ANXA13: variants seen among roughly 807,000 people sequenced by gnomAD.
ANXA13 encodes the protein annexin A13.
Under a neutral mutation model 46.6 loss-of-function variants are expected in ANXA13, and 36 were observed. The ratio of observed to expected loss-of-function variants is 0.77; its 90% confidence interval spans 0.59 to 1.02. The LOEUF (loss-of-function observed/expected upper bound fraction) is 1.02, where lower values mean the gene tolerates loss of function less well. Among genes scored for constraint, ANXA13 ranks in the 50% least tolerant of loss-of-function variants. ANXA13 has a pLI of 0.00. For synonymous variants in ANXA13, 163 were observed against 152.9 expected, an observed-to-expected ratio of 1.07 and a Z score of -0.49; for missense variants, 417 against 396.5, an observed-to-expected ratio of 1.05 and a Z score of -0.44.
At chr8:123,693,947 C>T (rs1252378206) in intron 6 of ANXA13, among the ~76,000 whole-genome samples, 168 bp from the exon 7 acceptor site, 1 of 151,312 alleles carries the variant, frequency 6.6e-6, no homozygotes, top group Non-Finnish European at 1.5e-5. Flanking sequence ...CTTTTGGGCA[C>T]AATGGATAAA....
chr8:123,712,452 T>A, intron 2 of ANXA13: 1 of 567,146 alleles, frequency 1.8e-6, no homozygotes, highest in East Asian at 3.0e-5. Context: ...AAATTAAACG[T>A]CACAATATCC....
rs1454648479 is a variant in ANXA13, at chr8:123,714,079, A to G, written c.16-1326T>C. The stretch of plus-strand genomic sequence containing the variant: ...GCAGTTCAACTCTCCCTGCTTTCAT[A>G]TCCTTTGGCACCCAGTGGAAGTGAA... On this transcript the variant is annotated intron_variant, in intron 1 of 10. Transcript: ENST00000419625. Among the ~76,000 whole-genome samples the G allele has an allele frequency of 3.9e-5, 6 of 152,234 alleles. No homozygotes were observed. The South Asian group carries it at 1.2e-3, about 32-fold the overall frequency.
intron 1 of ANXA13, among the ~76,000 whole-genome samples, chr8:123,736,865 T>TTTGA (rs1554596851): frequency 6.7e-6 from 1 of 148,762 alleles, no homozygotes; most frequent in African/African-American, 2.5e-5. Flanking sequence ...TTTTTTTTTT[T>TTTGA]GGGACGGAGT....
In ANXA13 at chr8:123,693,794, A is replaced by G. The variant is rs185357145; in HGVS notation, c.472-15T>C. The G allele has an allele frequency of 4.3e-4, 700 of 1,611,460 alleles. 1 individual carries two copies. The highest frequency in any genetic ancestry group is 4.8e-4 in the Non-Finnish European group (565 of 1,178,158). ...TTGCGATTAGCCTAGAAAAATTGAC[A>G]CATTGTTATTAACTTGCATTCCTGC... On this transcript the variant is annotated splice_polypyrimidine_tract_variant and intron_variant, in intron 6 of 10. Transcript: ENST00000419625.
chr8:123,693,091 T>C (rs1813269078), intron 8 of ANXA13, 106 bp downstream of exon 8: 2 of 949,038 alleles, frequency 2.1e-6, no homozygotes, highest in Non-Finnish European at 3.3e-6. Flanking sequence ...TGAGAACCAC[T>C]GTTGTAAAGG....
intron 10 of ANXA13, 66 bp downstream of exon 10, chr8:123,684,544 T>C (rs950525554): frequency 9.1e-7 from 1 of 1,101,506 alleles, no homozygotes; most frequent in African/African-American, 1.6e-5. Context: ...AACTATTTGT[T>C]GATGACATCA....
intron 2 of ANXA13, among the ~76,000 whole-genome samples, chr8:123,705,245 T>A (rs1016091126): frequency 6.6e-6 from 1 of 152,152 alleles, no homozygotes; most frequent in African/African-American, 2.4e-5. Flanking sequence ...GTCCTAAGTG[T>A]TTTTAGCCTT....
chr8:123,681,582 C>G (rs915872931), intron 10 of ANXA13, among the ~76,000 whole-genome samples: 6 of 151,094 alleles, frequency 4.0e-5, no homozygotes, highest in African/African-American at 1.5e-4. Context: ...GCAGAGGTGT[C>G]CACGTGTGTG....
intron 2 of ANXA13, chr8:123,712,306 CTG>C (rs1813675060): frequency 4.2e-6 from 1 of 236,426 alleles, no homozygotes; most frequent in Non-Finnish European, 8.5e-6. Flanking sequence ...CCATGTGGAA[CTG>C]TGAGTCCATT....
intron 1 of ANXA13, among the ~76,000 whole-genome samples, chr8:123,713,951 C>T (rs1813710109): frequency 6.6e-6 from 1 of 152,152 alleles, no homozygotes; most frequent in South Asian, 2.1e-4. Context: ...GCCTTGGCCT[C>T]CCAAAGTGCT....
intron 8 of ANXA13, among the ~76,000 whole-genome samples, chr8:123,692,259 G>T (rs1173376533): frequency 6.6e-6 from 1 of 152,166 alleles, no homozygotes; most frequent in South Asian, 2.1e-4. Flanking sequence ...AGTTACAGAT[G>T]GTTCCTCACT....
Position 123,681,018 on chromosome 8 carries a change from C to T in ANXA13, c.*222G>A. ...TGCTAAAAGAAAGTGAAGAGGCAGC[C>T]TAGATGCTTGCTAAGCCAGAGTTCA... On this transcript the variant is annotated 3_prime_UTR_variant, in exon 11 of 11. Coordinates refer to ENST00000419625, the MANE Select transcript of ANXA13 (RefSeq NM_004306.4). 1 of 522,136 alleles carries T rather than the reference C, an allele frequency of 1.9e-6. No individual in the cohort carries two copies. The highest frequency in any genetic ancestry group is 3.4e-6 in the Non-Finnish European group (1 of 297,762). 32.3% of individuals were successfully genotyped at this position (522,136 alleles called of 1,614,324 possible).
intron 5 of ANXA13, 43 bp from the exon 6 acceptor site, chr8:123,695,624 AGTT>A: frequency 1.2e-6 from 2 of 1,610,152 alleles, no homozygotes; most frequent in South Asian, 2.2e-5. Flanking sequence ...CAGATGATTT[AGTT>A]TCCCAGAGGT....
chr8:123,735,843 T>G lies in ANXA13; in HGVS notation c.15+1477A>C, dbSNP rs375350220. On this transcript the variant is annotated intron_variant, in intron 1 of 10. Coordinates refer to ENST00000419625, the MANE Select transcript of ANXA13 (RefSeq NM_004306.4). The stretch of plus-strand genomic sequence containing the variant: ...GGGTTGGGAGTCCCCTTTAGGCAAC[T>G]GTTGACTGCCTTCTGAGAGGGTGTA... The G allele has an allele frequency of 3.1e-6, 5 of 1,612,230 alleles. No homozygotes were observed. Among genetic ancestry groups the G allele is most frequent in the South Asian group, 1.1e-5 (1 of 90,620 alleles).
intron 1 of ANXA13, among the ~76,000 whole-genome samples, chr8:123,733,614 C>A (rs1814169007): frequency 6.6e-6 from 1 of 152,238 alleles, no homozygotes; most frequent in Non-Finnish European, 1.5e-5. Context: ...GACCACTGAA[C>A]AGATGTTCTA....
At chr8:123,700,631 T>C (rs1044705192) in intron 3 of ANXA13, among the ~76,000 whole-genome samples, 14 of 152,202 alleles carry the variant, frequency 9.2e-5, no homozygotes, top group African/African-American at 3.1e-4. Context: ...CCCTAGGCTT[T>C]CAGTTTGAAT....
intron 8 of ANXA13, 56 bp from the exon 9 acceptor site, chr8:123,689,002 T>C (rs189031746): frequency 3.2e-6 from 5 of 1,556,610 alleles, no homozygotes; most frequent in Admixed American, 1.7e-5. Flanking sequence ...ACCTTAGTAC[T>C]CTTGGGGTTG....
At position 123,681,373 on chromosome 8, in the gene ANXA13, A is replaced by G. The variant is rs550563682; in HGVS notation, c.832-14T>C. ...CTGAAGGTCCACCTGTAGAAAAAAT[A>G]ACAGCAATGGAGATAAGAACGTTTA... On this transcript the variant is annotated splice_polypyrimidine_tract_variant and intron_variant, in intron 10 of 10. Coordinates refer to ENST00000419625, the MANE Select transcript of ANXA13 (RefSeq NM_004306.4). 1 of 1,611,920 alleles carries G rather than the reference A, an allele frequency of 6.2e-7. No individual in the cohort carries two copies. Among genetic ancestry groups the G allele is most frequent in the East Asian group, 2.2e-5 (1 of 44,866 alleles).
chr8:123,733,978 C>T (rs1245702576), intron 1 of ANXA13, among the ~76,000 whole-genome samples: 2 of 152,202 alleles, frequency 1.3e-5, no homozygotes, highest in Non-Finnish European at 2.9e-5. Context: ...GACTATGATT[C>T]AATAGATCTG....
Sources: allele counts gnomAD v4.1 joint callset (sites outside exome capture counted in the v4.1 genomes callset), GRCh38; gene constraint gnomAD v4.1.1; transcripts MANE v1.5; gene names NCBI Gene and HGNC (gene_info 2026-07-23, HGNC 2026-07-21).